The following SLC13A2 variants were observed in gnomAD, a reference collection of about 807,000 sequenced individuals.
SLC13A2 encodes the protein Na(+)-coupled citrate transporter.
Under a neutral mutation model 58.5 loss-of-function variants are expected in SLC13A2, and 40 were observed. The ratio of observed to expected loss-of-function variants is 0.68; its 90% CI spans 0.53 to 0.89. The LOEUF (loss-of-function observed/expected upper bound fraction) is 0.89. SLC13A2 is among the 40% of genes least tolerant of loss of function. SLC13A2 has a pLI of 0.00. For synonymous variants in SLC13A2, 341 were observed against 331.6 expected, an observed-to-expected ratio of 1.03 and a Z score of -0.31; for missense variants, 694 against 772.6, an observed-to-expected ratio of 0.90 and a Z score of 1.21.
rs782007721 is a variant in SLC13A2, at chr17:28,490,481, A to C, written c.259A>C (p.Asn87His). The change falls in exon 3 of 12, where the codon AAC becomes CAC. Residue 87 changes from asparagine (N) to histidine (H), a missense_variant. Physicochemically the swap from Asn to His is moderately conservative, Grantham distance 68. Transcript: ENST00000314669. ...EVAVEYLKDSNLLFFGGLLVA... is the reference protein window; with the variant it reads ...EVAVEYLKDSHLLFFGGLLVA... ...TGCCGTCGAGTATCTTAAGGACTCC[A>C]ACCTCCTGTTCTTCGGGGGGCTGCT... The C allele has an allele frequency of 6.2e-7, 1 of 1,614,002 alleles. No homozygotes were observed. Among genetic ancestry groups the C allele is most frequent in the Non-Finnish European group, 8.5e-7 (1 of 1,180,002 alleles).
chr17:28,478,986 G>A (rs994304320), intron 1 of SLC13A2, among the ~76,000 whole-genome samples: 2 of 152,182 alleles, frequency 1.3e-5, no homozygotes, highest in Non-Finnish European at 2.9e-5. Context: ...GGGAGGTCAA[G>A]GTGGGTGGAT....
At chr17:28,484,630 G>A (rs1342933767) in intron 1 of SLC13A2, among the ~76,000 whole-genome samples, 1 of 152,212 alleles carries the variant, frequency 6.6e-6, no homozygotes, top group Non-Finnish European at 1.5e-5. Flanking sequence ...TGTGCCTTGA[G>A]ATCACTCTGG....
rs73276455 is a variant in SLC13A2, at chr17:28,491,996, C to T, written c.878+144C>T. ...CCCAAAGCCCCTCTGTGCACTTGGACCCCCATTTGAGGAAATTACTGGGTA... is the reference window on the plus strand; with the variant it reads ...CCCAAAGCCCCTCTGTGCACTTGGATCCCCATTTGAGGAAATTACTGGGTA... On this transcript the variant is annotated intron_variant, in intron 6 of 11. Transcript: ENST00000314669. 4.2e-3 allele frequency: 5,198 copies of T among 1,230,486 alleles called. 116 individuals are homozygous for T. In the African/African-American group the frequency reaches 0.053, roughly 12 times the overall value. The allele number at this position is 1,230,486 out of a possible 1,614,324, so 76.2% of individuals were successfully genotyped here. A position where few individuals can be genotyped will look rare whatever the true frequency, so the allele number is the denominator to read the frequency against.
chr17:28,491,769 C>T lies in SLC13A2; in HGVS notation c.795C>T (p.Ser265=), dbSNP rs782082795. 6.2e-7 allele frequency: 1 copy of T among 1,614,228 alleles called. No homozygotes were observed. The highest frequency in any genetic ancestry group is 8.5e-7 in the Non-Finnish European group (1 of 1,180,028). The stretch of plus-strand genomic sequence containing the variant: ...ACGGCAACGTGGTGAACTTCGCCTC[C>T]TGGTTCAGCTTCGCCTTCCCCACCA... ...PQNGNVVNFA[S]WFSFAFPTMV... The change falls in exon 6 of 12, where the codon TCC becomes TCT. Residue 265 remains serine (S), a synonymous_variant. Coordinates refer to ENST00000314669, the MANE Select transcript of SLC13A2 (RefSeq NM_003984.4).
In SLC13A2 at chr17:28,494,146, C is replaced by G; in HGVS notation, c.1186+41C>G. 6.4e-7 allele frequency: 1 copy of G among 1,574,104 alleles called. No individual in the cohort carries two copies. ...GGGGCAGGGAAGGGTCTCCGGGCAG[C>G]CCCTGCCTTCAAGTATGTAATGTAC... is the stretch of plus-strand genomic sequence containing the variant. On this transcript the variant is annotated intron_variant, in intron 8 of 11. Transcript: ENST00000314669. This position sits in a 1 kb window ranked among gnomAD's most constrained non-coding sequence, Gnocchi z 4.0.
At chr17:28,477,405 A>T (rs1046447212) in intron 1 of SLC13A2, among the ~76,000 whole-genome samples, 1 of 151,690 alleles carries the variant, frequency 6.6e-6, no homozygotes, top group East Asian at 2.0e-4. Context: ...CGTGTTAGCC[A>T]GGATGGTCTT....
intron 1 of SLC13A2, among the ~76,000 whole-genome samples, chr17:28,475,006 G>A (rs1436294355): frequency 1.3e-5 from 2 of 152,208 alleles, no homozygotes; most frequent in African/African-American, 4.8e-5. Flanking sequence ...CAGTAACAAG[G>A]CCCAGCTGAC....
rs181733139 is a variant in SLC13A2, at chr17:28,477,310, T to G, written c.102+3496T>G. 1.8e-4 allele frequency among the ~76,000 whole-genome samples: 27 copies of G among 150,130 alleles called. No individual in the cohort carries two copies. In the East Asian group the frequency reaches 5.5e-3, roughly 30 times the overall value. On this transcript the variant is annotated intron_variant, in intron 1 of 11. Coordinates refer to ENST00000314669, the MANE Select transcript of SLC13A2 (RefSeq NM_003984.4). ...CCAGGTTCATGCCATTCTCCTGCCT[T>G]AGCCTCCCGAGTAGCTGGGACTACA...
intron 1 of SLC13A2, among the ~76,000 whole-genome samples, chr17:28,477,447 G>T (rs1555600250): frequency 6.6e-6 from 1 of 151,796 alleles, no homozygotes; most frequent in Non-Finnish European, 1.5e-5. Flanking sequence ...GCCCGCCTTG[G>T]CCTCCCAAAG....
chr17:28,493,922 T>G, intron 7 of SLC13A2, 95 bp from the exon 8 acceptor site: 1 of 1,481,826 alleles, frequency 6.7e-7, no homozygotes, highest in Non-Finnish European at 9.4e-7. Flanking sequence ...CAGGCTTGTC[T>G]ATGGGAGAGG....
chr17:28,494,289 C>T lies in SLC13A2; in HGVS notation c.1187-102C>T, dbSNP rs116939743. On this transcript the variant is annotated intron_variant, in intron 8 of 11. Transcript: ENST00000314669. This position sits in a 1 kb window ranked among gnomAD's most constrained non-coding sequence, Gnocchi z 4.0. ...GCAGAACTGAGGGTCCCCTCCTGCA[C>T]GCGTTAAGCTCCAAAAGGGACCCAC... The T allele has an allele frequency of 1.8e-5, 28 of 1,597,740 alleles. No individual in the cohort carries two copies. The highest frequency in any genetic ancestry group is 1.3e-4 in the African/African-American group (10 of 74,548).
chr17:28,490,678 T>G (rs1555603129), intron 3 of SLC13A2, 23 bp from the exon 4 acceptor site: 3 of 1,602,096 alleles, frequency 1.9e-6, no homozygotes, highest in Middle Eastern at 1.7e-4. Flanking sequence ...GGAACAGCAG[T>G]GTGTCTGTCT....
intron 1 of SLC13A2, among the ~76,000 whole-genome samples, chr17:28,485,432 G>A (rs1555601810): frequency 3.9e-5 from 6 of 152,320 alleles, no homozygotes; most frequent in African/African-American, 7.2e-5. Flanking sequence ...GAGTGACCTG[G>A]AAGGATAAGG....
Position 28,490,826 on chromosome 17 carries a change from G to C in SLC13A2, c.494G>C (p.Ser165Thr). ...GACCAGCTGCACAGCTCGCAAGCCA[G>C]CAGCAACGTCGAGGAGGGCAGCAAC... The part of the protein sequence containing the change: ...VLDQLHSSQA[S>T]SNVEEGSNNP... Residue 165 changes from serine (S) to threonine (T), a missense_variant, in exon 4 of 12, where the codon AGC becomes ACC. Ser to Thr is a moderately conservative substitution (Grantham distance 58). Coordinates refer to ENST00000314669, the MANE Select transcript of SLC13A2 (RefSeq NM_003984.4). The C allele has an allele frequency of 1.9e-6, 3 of 1,614,148 alleles. No homozygotes were observed. The highest frequency in any genetic ancestry group is 2.5e-6 in the Non-Finnish European group (3 of 1,180,036).
At chr17:28,493,982 TA>T in intron 7 of SLC13A2, 34 bp from the exon 8 acceptor site, 1 of 1,599,690 alleles carries the variant, frequency 6.3e-7, no homozygotes, top group Non-Finnish European at 8.6e-7. Flanking sequence ...CCCAAGCGGC[TA>T]ACCCAGCCCT....
intron 1 of SLC13A2, among the ~76,000 whole-genome samples, chr17:28,487,904 A>G (rs1279812302): frequency 6.6e-6 from 1 of 152,280 alleles, no homozygotes; most frequent in East Asian, 1.9e-4. Context: ...TTACTGGGGC[A>G]CCATTCACAC....
At chr17:28,482,361 T>C (rs998148933) in intron 1 of SLC13A2, among the ~76,000 whole-genome samples, 9 of 152,198 alleles carry the variant, frequency 5.9e-5, no homozygotes, top group Non-Finnish European at 1.3e-4. Flanking sequence ...CTATTACCTG[T>C]ATTTCAATAA....
chr17:28,489,471 G>C, intron 2 of SLC13A2, 129 bp downstream of exon 2: 1 of 1,111,430 alleles, frequency 9.0e-7, no homozygotes, highest in East Asian at 2.8e-5. Context: ...TCCTGACTCT[G>C]CATGAGGAAG....
intron 1 of SLC13A2, among the ~76,000 whole-genome samples, chr17:28,474,095 G>C (rs1051817430): frequency 3.9e-5 from 6 of 152,146 alleles, no homozygotes; most frequent in Non-Finnish European, 8.8e-5. Context: ...AGATGCAAGG[G>C]GGGCAGATGG....
Sources: allele counts gnomAD v4.1 joint callset (sites outside exome capture counted in the v4.1 genomes callset), GRCh38; gene constraint gnomAD v4.1.1; non-coding constraint Gnocchi (gnomAD v3.1); transcripts MANE v1.5; gene names NCBI Gene and HGNC (gene_info 2026-07-23, HGNC 2026-07-21).